Variants in FAIM observed in about 807,000 individuals in gnomAD.
FAIM encodes the protein Fas apoptotic inhibitory molecule, also known as fas apoptotic inhibitory molecule 1.
A neutral mutation model predicts 21.2 loss-of-function variants in FAIM; 14 were observed. The observed-to-expected ratio is 0.66, with a 90% CI of 0.44 to 1.03. The LOEUF (loss-of-function observed/expected upper bound fraction) is 1.03. Ranked by LOEUF, FAIM falls within the 50% of genes least tolerant of loss-of-function variation. The probability of loss-of-function intolerance (pLI) is 0.00; values close to 1 mark genes in which losing one functional copy is unlikely to be tolerated. For missense variants in FAIM, 222 were observed against 247.1 expected (o/e 0.90, Z 0.68); for synonymous variants, 86 against 80.4 (o/e 1.07, Z -0.37).
chr3:138,609,640 T>G (rs2108329168), intron 1 of FAIM, among the ~76,000 whole-genome samples: 1 of 146,066 alleles, frequency 6.8e-6, no homozygotes, highest in African/African-American at 2.6e-5. Context: ...TCTCTCTCTC[T>G]CGACTGTACA....
At chr3:138,610,942 T>C (rs1266102080) in intron 1 of FAIM, 2 of 1,609,874 alleles carry the variant, frequency 1.2e-6, no homozygotes, top group South Asian at 2.2e-5. Flanking sequence ...CCTTCCTCTA[T>C]GGCCCATTCT....
intron 2 of FAIM, 84 bp from the exon 3 acceptor site, chr3:138,621,323 T>C: frequency 2.9e-6 from 4 of 1,394,940 alleles, no homozygotes; most frequent in Non-Finnish European, 4.0e-6. Context: ...GAGGTTTTAA[T>C]CTAATATTTT....
chr3:138,627,471 G>A (rs1332877456), intron 4 of FAIM, among the ~76,000 whole-genome samples: 1 of 152,104 alleles, frequency 6.6e-6, no homozygotes, highest in Non-Finnish European at 1.5e-5. Flanking sequence ...ATGAGCCACC[G>A]TGCCTGGCCT....
intron 4 of FAIM, among the ~76,000 whole-genome samples, chr3:138,628,297 G>A (rs1478175050): frequency 3.9e-5 from 6 of 151,996 alleles, no homozygotes; most frequent in African/African-American, 1.2e-4. Context: ...TTTCTAAAGC[G>A]GACATGCTGT....
chr3:138,612,173 T>C (rs933555192), intron 1 of FAIM, among the ~76,000 whole-genome samples: 2 of 144,430 alleles, frequency 1.4e-5, no homozygotes, highest in African/African-American at 5.2e-5. Flanking sequence ...CGATCTCAGC[T>C]CACTGCAAGC....
chr3:138,622,437 C>A, intron 4 of FAIM, 21 bp downstream of exon 4: 5 of 1,433,912 alleles, frequency 3.5e-6, no homozygotes, highest in Non-Finnish European at 3.8e-6. Flanking sequence ...GCTGTTTCCG[C>A]AGAACTTTTT....
At chr3:138,613,884 G>A (rs374181907) in intron 1 of FAIM, among the ~76,000 whole-genome samples, 5 of 152,158 alleles carry the variant, frequency 3.3e-5, no homozygotes, top group African/African-American at 7.2e-5. Context: ...CCAAGATCAT[G>A]AGGATTTACC....
chr3:138,610,214 C>T (rs2042752733), intron 1 of FAIM, among the ~76,000 whole-genome samples: 1 of 152,110 alleles, frequency 6.6e-6, no homozygotes, highest in Admixed American at 6.5e-5. Flanking sequence ...AAGAATAAAC[C>T]TAAGTTAAGG....
chr3:138,614,447 CAAA>C (rs568035922), intron 1 of FAIM, among the ~76,000 whole-genome samples: 2 of 148,832 alleles, frequency 1.3e-5, no homozygotes, highest in African/African-American at 4.9e-5. Flanking sequence ...TCTCAAAAAA[CAAA>C]AAAAAAGAAG....
intron 2 of FAIM, among the ~76,000 whole-genome samples, chr3:138,620,377 G>T (rs940694877): frequency 6.6e-6 from 1 of 152,056 alleles, no homozygotes; most frequent in African/African-American, 2.4e-5. Context: ...AAGCTAAAAA[G>T]ATACACCAAT....
chr3:138,629,337 G>A (rs564468680), intron 5 of FAIM, 181 bp downstream of exon 5: 152 of 495,858 alleles, frequency 3.1e-4, no homozygotes, highest in Middle Eastern at 5.1e-4. Flanking sequence ...GCCTGGTACC[G>A]TGAGTTTGGA....
At chr3:138,620,879 T>C (rs1019301216) in intron 2 of FAIM, among the ~76,000 whole-genome samples, 4 of 152,348 alleles carry the variant, frequency 2.6e-5, no homozygotes, top group Non-Finnish European at 4.4e-5. Flanking sequence ...ATCTTTATTA[T>C]AGGGCATTTC....
intron 3 of FAIM, 114 bp from the exon 4 acceptor site, chr3:138,622,074 C>T (rs2042893303): frequency 1.1e-6 from 1 of 898,576 alleles, no homozygotes; most frequent in Non-Finnish European, 1.6e-6. Flanking sequence ...GCCACCACTC[C>T]CGGCAATGAA....
At chr3:138,622,560 T>G in intron 4 of FAIM, 144 bp downstream of exon 4, 1 of 609,006 alleles carries the variant, frequency 1.6e-6, no homozygotes, top group Non-Finnish European at 2.7e-6. Context: ...TTAGAAACAT[T>G]AAAAAAATTT....
chr3:138,627,274 T>C lies in FAIM; in HGVS notation c.407-1833T>C, dbSNP rs113376630. Among the ~76,000 whole-genome samples, 525 of 151,552 alleles carry C rather than the reference T, an allele frequency of 3.5e-3. 2 individuals are homozygous for C. The highest frequency in any genetic ancestry group is 0.012 in the African/African-American group (502 of 41,306). ...TTGGCTCACTGCAACCTCTGCCTCC[T>C]GGGTTCAAGCAATTCTCCTGCCTCA... On this transcript the variant is annotated intron_variant, in intron 4 of 5. Coordinates refer to ENST00000360570, the MANE Select transcript of FAIM (RefSeq NM_001033031.2).
rs747938226 is a variant in FAIM at position 138,622,307 on chromosome 3, T to C, written c.297T>C (p.Tyr99=). ...CTATCAGTGGTTTTGCTTATGAATA[T>C]ACTCTGGAAATTAATGGGAAAAGTC... ...IDAISGFAYE[Y]TLEINGKSLK... Residue 99 remains tyrosine (Y), a synonymous_variant, in exon 4 of 6, where the codon TAT becomes TAC. Coordinates refer to ENST00000360570, the MANE Select transcript of FAIM (RefSeq NM_001033031.2). The C allele has an allele frequency of 6.2e-7, 1 of 1,613,970 alleles. No homozygotes were observed. Among genetic ancestry groups the C allele is most frequent in the Non-Finnish European group, 8.5e-7 (1 of 1,179,964 alleles).
chr3:138,609,533 ACTCTCTCTCT>A (rs1286573079), intron 1 of FAIM, among the ~76,000 whole-genome samples: 1 of 3,364 alleles, frequency 3.0e-4, no homozygotes, highest in Non-Finnish European at 6.2e-4. Flanking sequence ...AAGTGCTGAA[ACTCTCTCTCT>A]CTCTCTCTCT....
intron 3 of FAIM, 36 bp downstream of exon 3, chr3:138,621,575 A>T (rs745324783): frequency 1.3e-6 from 2 of 1,575,280 alleles, no homozygotes; most frequent in South Asian, 2.3e-5. Context: ...AAAATATGAT[A>T]TATAGAGAAA....
At chr3:138,609,051 G>GCT in intron 1 of FAIM, 114 bp downstream of exon 1, 1 of 152,514 alleles carries the variant, frequency 6.6e-6, no homozygotes, top group South Asian at 2.0e-4. Context: ...GCGTCCCCAC[G>GCT]CTCTCGGCCC....
Sources: allele counts gnomAD v4.1 joint callset (sites outside exome capture counted in the v4.1 genomes callset), GRCh38; gene constraint gnomAD v4.1.1; transcripts MANE v1.5; gene names NCBI Gene and HGNC (gene_info 2026-07-23, HGNC 2026-07-21).